Variants in REDIC1 observed in about 807,000 individuals in gnomAD.
REDIC1 encodes the protein regulator of DNA class I crossover intermediates 1, also known as HEI10 Interacting Protein 1.
At chr12:39,794,032 G>A in the REDIC1 span, among the ~76,000 whole-genome samples, 3 of 140,816 alleles carry the variant, frequency 2.1e-5, no homozygotes, top group Non-Finnish European at 4.5e-5. Context: ...CTTGTTCTCT[G>A]ATACTGAGAA....
At chr12:39,807,076 C>G in the REDIC1 span, among the ~76,000 whole-genome samples, 1 of 150,872 alleles carries the variant, frequency 6.6e-6, no homozygotes, top group Non-Finnish European at 1.5e-5. Context: ...GTTTTTGCCA[C>G]TGAAAGTAAT....
the REDIC1 span, among the ~76,000 whole-genome samples, chr12:39,765,209 T>C: frequency 6.6e-6 from 1 of 152,140 alleles, no homozygotes; most frequent in East Asian, 1.9e-4. Context: ...ATGACAAGAT[T>C]CAAATTTCAG....
At chr12:39,724,966 G>T in the REDIC1 span, among the ~76,000 whole-genome samples, 9 of 152,098 alleles carry the variant, frequency 5.9e-5, no homozygotes, top group Admixed American at 2.0e-4. Context: ...TAATAGCTGA[G>T]AATTTTTCTA....
At chr12:39,732,563 C>T in the REDIC1 span, among the ~76,000 whole-genome samples, 1 of 152,028 alleles carries the variant, frequency 6.6e-6, no homozygotes, top group Admixed American at 6.6e-5. Flanking sequence ...TAATTTTGTA[C>T]AAAAATACCC....
the REDIC1 span, chr12:39,720,744 A>C: frequency 7.1e-7 from 1 of 1,405,910 alleles, no homozygotes; most frequent in Non-Finnish European, 9.8e-7. Flanking sequence ...GCATTTTTAA[A>C]ATGTAAGCAT....
chr12:39,655,723 G>C, the REDIC1 span, among the ~76,000 whole-genome samples: 2 of 152,138 alleles, frequency 1.3e-5, no homozygotes, highest in Non-Finnish European at 2.9e-5. Context: ...CCTTGGTAGA[G>C]CTACCACTCA....
the REDIC1 span, among the ~76,000 whole-genome samples, chr12:39,668,953 G>A: frequency 7.8e-5 from 5 of 64,216 alleles, no homozygotes. Flanking sequence ...TTGGCCATTC[G>A]TCTAATTTTT....
At chr12:39,667,528 A>G in the REDIC1 span, among the ~76,000 whole-genome samples, 1 of 152,180 alleles carries the variant, frequency 6.6e-6, no homozygotes, top group Admixed American at 6.5e-5. Context: ...TCGTGCTGAG[A>G]AGAATGTATA....
the REDIC1 span, among the ~76,000 whole-genome samples, chr12:39,711,976 C>T: frequency 8.5e-6 from 1 of 117,620 alleles, no homozygotes; most frequent in Non-Finnish European, 1.8e-5. Context: ...TGTATATATA[C>T]ATGTCATGTC....
the REDIC1 span, among the ~76,000 whole-genome samples, chr12:39,795,068 C>T: frequency 0.44 from 66,368 of 151,828 alleles, 14,950 homozygotes; most frequent in Admixed American, 0.51. Context: ...TTCAAAAATT[C>T]GGGAATATTC....
the REDIC1 span, among the ~76,000 whole-genome samples, chr12:39,890,254 C>G: frequency 6.6e-6 from 1 of 151,934 alleles, no homozygotes; most frequent in Non-Finnish European, 1.5e-5. Flanking sequence ...AGAGATATGA[C>G]TAAAGATTTA....
At chr12:39,693,327 C>G in the REDIC1 span, among the ~76,000 whole-genome samples, 1 of 151,702 alleles carries the variant, frequency 6.6e-6, no homozygotes, top group Admixed American at 6.6e-5. Flanking sequence ...ACCTTGAAAC[C>G]TTTAATGATT....
chr12:39,733,478 T>A, the REDIC1 span, among the ~76,000 whole-genome samples: 209 of 152,294 alleles, frequency 1.4e-3, no homozygotes, highest in African/African-American at 4.7e-3. Flanking sequence ...TTGTCTTTTT[T>A]AATTTTTTTA....
At chr12:39,894,126 A>G in the REDIC1 span, among the ~76,000 whole-genome samples, 7 of 152,228 alleles carry the variant, frequency 4.6e-5, no homozygotes, top group African/African-American at 1.7e-4. Flanking sequence ...GCATTCTCCT[A>G]TAGTGCCACG....
At chr12:39,813,043 C>T in the REDIC1 span, among the ~76,000 whole-genome samples, 3 of 88,782 alleles carry the variant, frequency 3.4e-5, no homozygotes, top group Non-Finnish European at 6.2e-5. Context: ...TGGGGTTTCA[C>T]CATGTTGGCC....
At chr12:39,812,123 T>A in the REDIC1 span, among the ~76,000 whole-genome samples, 1 of 152,090 alleles carries the variant, frequency 6.6e-6, no homozygotes, top group Non-Finnish European at 1.5e-5. Flanking sequence ...AAGTCCAAGA[T>A]CTAGGCACAA....
chr12:39,797,945 T>C, the REDIC1 span, among the ~76,000 whole-genome samples: 2 of 152,238 alleles, frequency 1.3e-5, no homozygotes, highest in African/African-American at 4.8e-5. Context: ...CTAGTGTTCA[T>C]GCCCTTGTGT....
chr12:39,733,074 C>CAA, the REDIC1 span, among the ~76,000 whole-genome samples: 1 of 150,172 alleles, frequency 6.7e-6, no homozygotes, highest in African/African-American at 2.4e-5. Flanking sequence ...AAAATGCACA[C>CAA]ACACACACAC....
At chr12:39,858,364 T>G in the REDIC1 span, among the ~76,000 whole-genome samples, 7 of 152,168 alleles carry the variant, frequency 4.6e-5, no homozygotes, top group African/African-American at 1.7e-4. Context: ...ACTGTAGCAT[T>G]ATTAATAGTA....
Sources: gnomAD v4.1 joint callset for allele counts (sites outside exome capture counted in the v4.1 genomes callset) on GRCh38, gnomAD v4.1.1 for gene constraint, MANE v1.5 for transcripts, NCBI Gene and HGNC (gene_info 2026-07-23, HGNC 2026-07-21) for gene names.